The following GPC5 variants were observed in gnomAD, a reference collection of about 807,000 sequenced individuals.
The protein encoded by GPC5 is glypican 5.
A neutral mutation model predicts 53.9 loss-of-function variants in GPC5; 47 were observed. The observed-to-expected ratio is 0.87, with a 90% CI of 0.69 to 1.11. The LOEUF (loss-of-function observed/expected upper bound fraction) is 1.11, where lower values mean the gene tolerates loss of function less well. GPC5 is among the 50% of genes most tolerant of loss of function. GPC5 has a pLI of 0.00. For missense variants in GPC5, 748 were observed against 713.1 expected, an observed-to-expected ratio of 1.05 and a Z score of -0.56; for synonymous variants, 286 against 263.3, an observed-to-expected ratio of 1.09 and a Z score of -0.84.
intron 7 of GPC5, among the ~76,000 whole-genome samples, chr13:92,804,046 G>T (rs1039596060): frequency 1.3e-5 from 2 of 151,914 alleles, no homozygotes; most frequent in Non-Finnish European, 2.9e-5. Flanking sequence ...GTAAACTATT[G>T]GTGGGCACAA....
chr13:91,998,110 C>T (rs367543890), intron 6 of GPC5, among the ~76,000 whole-genome samples: 34 of 152,156 alleles, frequency 2.2e-4, no homozygotes, highest in African/African-American at 8.0e-4. Flanking sequence ...TGCCCTATCA[C>T]AATTTATTGA....
At chr13:92,692,527 T>C (rs1482679782) in intron 7 of GPC5, among the ~76,000 whole-genome samples, 11 of 115,418 alleles carry the variant, frequency 9.5e-5, no homozygotes, top group Admixed American at 8.8e-4. Flanking sequence ...CTGGGGACTG[T>C]TGTGGGGTGG....
At chr13:91,605,391 G>T (rs1261316266) in intron 2 of GPC5, among the ~76,000 whole-genome samples, 1 of 108,670 alleles carries the variant, frequency 9.2e-6, no homozygotes, top group Admixed American at 9.9e-5. Flanking sequence ...GTAGTGTGAT[G>T]CCTCCAGCTT....
chr13:91,896,396 G>A (rs1594648240), intron 5 of GPC5, among the ~76,000 whole-genome samples: 1 of 152,180 alleles, frequency 6.6e-6, no homozygotes, highest in East Asian at 1.9e-4. Flanking sequence ...TGGGATTACA[G>A]GCATGAGCCA....
chr13:92,737,756 TTTTC>T (rs1414559968), intron 7 of GPC5, among the ~76,000 whole-genome samples: 2 of 78,384 alleles, frequency 2.6e-5, no homozygotes, highest in Non-Finnish European at 5.0e-5. Flanking sequence ...TTCTTTTTTT[TTTTC>T]TTTTTCTTTT....
intron 2 of GPC5, among the ~76,000 whole-genome samples, chr13:91,499,917 T>A (rs1157444993): frequency 6.6e-6 from 1 of 152,238 alleles, no homozygotes; most frequent in Non-Finnish European, 1.5e-5. Context: ...TGCCTGTCTC[T>A]ACAGGAAGTG....
chr13:91,984,494 T>C (rs2040389024), intron 6 of GPC5, among the ~76,000 whole-genome samples: 1 of 152,182 alleles, frequency 6.6e-6, no homozygotes, highest in South Asian at 2.1e-4. Flanking sequence ...CTAATTAGGG[T>C]TGTACTGCAA....
intron 7 of GPC5, among the ~76,000 whole-genome samples, chr13:92,514,113 T>C (rs936861043): frequency 4.0e-5 from 6 of 150,928 alleles, no homozygotes; most frequent in Non-Finnish European, 8.8e-5. Flanking sequence ...GTATGATTTT[T>C]ACTGAAGGTT....
chr13:91,551,184 A>T (rs1164919473), intron 2 of GPC5, among the ~76,000 whole-genome samples: 2 of 152,048 alleles, frequency 1.3e-5, no homozygotes, highest in African/African-American at 4.8e-5. Context: ...TTGGTGGGTG[A>T]GAATCAGCTA....
At chr13:92,822,280 T>C (rs373658861) in intron 7 of GPC5, among the ~76,000 whole-genome samples, 1 of 152,178 alleles carries the variant, frequency 6.6e-6, no homozygotes, top group South Asian at 2.1e-4. Context: ...ATGACTATCA[T>C]GGAAATATTT....
chr13:91,647,611 G>T (rs1259979903), intron 2 of GPC5, among the ~76,000 whole-genome samples: 2 of 152,092 alleles, frequency 1.3e-5, no homozygotes, highest in Non-Finnish European at 2.9e-5. Flanking sequence ...AGGAAAAACG[G>T]GACTTCCATG....
chr13:92,259,313 C>T (rs1042219615), intron 7 of GPC5, among the ~76,000 whole-genome samples: 3 of 152,032 alleles, frequency 2.0e-5, no homozygotes, highest in African/African-American at 7.3e-5. Context: ...GGCTGGGTGG[C>T]CTCCAAGGAC....
chr13:91,411,811 TG>T (rs1877814038), intron 1 of GPC5, among the ~76,000 whole-genome samples: 1 of 152,368 alleles, frequency 6.6e-6, no homozygotes, highest in African/African-American at 2.4e-5. Context: ...CCCAGGATTC[TG>T]TATGATAACA....
At position 92,072,068 on chromosome 13, in the gene GPC5, T is replaced by G. The variant is rs555790657; in HGVS notation, c.1402-72762T>G. On this transcript the variant is annotated intron_variant, in intron 6 of 7. Transcript: ENST00000377067. ...ATTTTATTCATATATTTTATTTATA[T>G]ATATAAAAATATATAATTATATATA... Among the ~76,000 whole-genome samples the G allele has an allele frequency of 2.2e-3, 321 of 146,070 alleles. 1 individual carries two copies. The highest frequency in any genetic ancestry group is 7.7e-3 in the African/African-American group (311 of 40,490).
Position 92,117,008 on chromosome 13 carries a change from A to T in GPC5, c.1402-27822A>T, listed in dbSNP as rs532038374. Among the ~76,000 whole-genome samples the T allele has an allele frequency of 3.3e-5, 5 of 152,278 alleles. No homozygotes were observed. In the South Asian group the frequency reaches 8.3e-4, roughly 25 times the overall value. On this transcript the variant is annotated intron_variant, in intron 6 of 7. Coordinates refer to ENST00000377067, the MANE Select transcript of GPC5 (RefSeq NM_004466.6). ...ATGGGTTGTCTATTCTCTAAACAGCATCTTTCGTAGAGCAAAAATTTTTAA... is the reference window on the plus strand; with the variant it reads ...ATGGGTTGTCTATTCTCTAAACAGCTTCTTTCGTAGAGCAAAAATTTTTAA...
chr13:92,186,022 G>A (rs1290371349), intron 7 of GPC5, among the ~76,000 whole-genome samples: 1 of 152,084 alleles, frequency 6.6e-6, no homozygotes, highest in Non-Finnish European at 1.5e-5. Flanking sequence ...TTAATTTAAA[G>A]TTAAATGTAA....
chr13:92,626,810 C>G (rs1885060924), intron 7 of GPC5, among the ~76,000 whole-genome samples: 1 of 152,066 alleles, frequency 6.6e-6, no homozygotes. Flanking sequence ...AAATATAATG[C>G]TAATGGGTGG....
At chr13:92,265,714 G>A (rs1458886970) in intron 7 of GPC5, among the ~76,000 whole-genome samples, 1 of 152,134 alleles carries the variant, frequency 6.6e-6, no homozygotes, top group Non-Finnish European at 1.5e-5. Flanking sequence ...CAGCTCCAAA[G>A]TTGCTTCCAT....
chr13:92,005,483 C>T (rs2040598223), intron 6 of GPC5, among the ~76,000 whole-genome samples: 2 of 152,158 alleles, frequency 1.3e-5, no homozygotes, highest in South Asian at 4.1e-4. Context: ...ATGTCTTACA[C>T]AGACGTCATA....
Sources: allele counts gnomAD v4.1 joint callset (sites outside exome capture counted in the v4.1 genomes callset), GRCh38; gene constraint gnomAD v4.1.1; transcripts MANE v1.5; gene names NCBI Gene and HGNC (gene_info 2026-07-23, HGNC 2026-07-21).